Variants in CCL28 observed in about 807,000 individuals in gnomAD.
The protein encoded by CCL28 is C-C motif chemokine 28.
A neutral mutation model predicts 7.1 loss-of-function variants in CCL28; 4 were observed. That is an observed-to-expected ratio of 0.56 (90% CI 0.28 to 1.29). The LOEUF is 1.29. Among genes scored for constraint, CCL28 ranks in the 50% most tolerant of loss-of-function variants. The pLI is 0.11. For missense variants in CCL28, 151 were observed against 163.4 expected (o/e 0.92, Z 0.41); for synonymous variants, 55 against 57.8 (o/e 0.95, Z 0.22).
downstream of CCL28, among the ~76,000 whole-genome samples, chr5:43,375,578 G>C (rs1018840147): frequency 6.7e-6 from 1 of 149,088 alleles, no homozygotes; most frequent in African/African-American, 2.5e-5. Flanking sequence ...GCCCTCCCCA[G>C]CAATGCAGTT....
chr5:43,359,743 A>G, the CCL28 span, among the ~76,000 whole-genome samples: 1 of 152,208 alleles, frequency 6.6e-6, no homozygotes, highest in African/African-American at 2.4e-5. Flanking sequence ...AATTGCTCCT[A>G]TACATAACAT....
chr5:43,405,866 C>A (rs1470601556), intron 1 of CCL28, among the ~76,000 whole-genome samples: 2 of 152,176 alleles, frequency 1.3e-5, no homozygotes, highest in Non-Finnish European at 2.9e-5. Context: ...ATACTATAAA[C>A]ACCTCTATGC....
At chr5:43,410,118 C>T (rs1332665912) in intron 1 of CCL28, among the ~76,000 whole-genome samples, 1 of 152,214 alleles carries the variant, frequency 6.6e-6, no homozygotes, top group Non-Finnish European at 1.5e-5. Flanking sequence ...TGGCACAGGC[C>T]TTTTTCCTAT....
At chr5:43,406,284 A>G (rs928149274) in intron 1 of CCL28, among the ~76,000 whole-genome samples, 31 of 152,118 alleles carry the variant, frequency 2.0e-4, no homozygotes, top group Non-Finnish European at 4.4e-4. Flanking sequence ...CAGTACATCA[A>G]AAAGCTTATC....
intron 2 of CCL28, among the ~76,000 whole-genome samples, chr5:43,386,120 T>C (rs1033708674): frequency 3.3e-5 from 5 of 152,136 alleles, no homozygotes; most frequent in Middle Eastern, 3.2e-3. Context: ...AGTTGAAAAT[T>C]TGGAGTTTCT....
chr5:43,401,348 A>AT (rs1741029318), intron 1 of CCL28, among the ~76,000 whole-genome samples: 1 of 151,940 alleles, frequency 6.6e-6, no homozygotes, highest in South Asian at 2.1e-4. Context: ...GTGGATGGGG[A>AT]TTTTTCTTTG....
downstream of CCL28, chr5:43,377,202 A>AT (rs1325908757): frequency 6.6e-6 from 1 of 152,360 alleles, no homozygotes; most frequent in Non-Finnish European, 1.5e-5. Flanking sequence ...ATAAAGCCTA[A>AT]TACGTAGGCC....
downstream of CCL28, among the ~76,000 whole-genome samples, chr5:43,377,665 G>T (rs547294807): frequency 1.5e-5 from 2 of 134,694 alleles, no homozygotes; most frequent in African/African-American, 2.8e-5. Context: ...GCAAAGAAAT[G>T]ATACTTTAAG....
At chr5:43,400,124 G>A (rs1213144800) in intron 1 of CCL28, among the ~76,000 whole-genome samples, 3 of 151,980 alleles carry the variant, frequency 2.0e-5, no homozygotes, top group Non-Finnish European at 2.9e-5. Flanking sequence ...AGGATTATAG[G>A]CATGAGCCAC....
intron 1 of CCL28, among the ~76,000 whole-genome samples, chr5:43,393,601 C>T (rs2111797204): frequency 6.6e-6 from 1 of 152,244 alleles, no homozygotes; most frequent in East Asian, 1.9e-4. Flanking sequence ...ATGATCCACC[C>T]ACCTCAGCCT....
the CCL28 span, among the ~76,000 whole-genome samples, chr5:43,366,089 A>T: frequency 0.66 from 100,475 of 152,082 alleles, 35,393 homozygotes; most frequent in African/African-American, 0.91. Context: ...GGTCTTAGCT[A>T]CCTTGCATTG....
At chr5:43,368,442 C>T in the CCL28 span, among the ~76,000 whole-genome samples, 8,638 of 152,182 alleles carry the variant, frequency 0.057, 533 homozygotes, top group African/African-American at 0.16. Flanking sequence ...TGTGGCCATG[C>T]GGCTAACTGC....
chr5:43,402,946 G>A (rs193020245), intron 1 of CCL28, among the ~76,000 whole-genome samples: 13 of 152,324 alleles, frequency 8.5e-5, no homozygotes, highest in South Asian at 2.1e-4. Flanking sequence ...ACAGCAAGGC[G>A]GCAGTGAGGC....
intron 1 of CCL28, among the ~76,000 whole-genome samples, chr5:43,410,825 C>T (rs1171618780): frequency 6.6e-6 from 1 of 152,078 alleles, no homozygotes; most frequent in Non-Finnish European, 1.5e-5. Context: ...AAATGAGTCC[C>T]CAAATCTCAA....
At chr5:43,361,989 G>T in the CCL28 span, among the ~76,000 whole-genome samples, 1 of 151,708 alleles carries the variant, frequency 6.6e-6, no homozygotes. Context: ...GCTCTTTTTC[G>T]GTTCCATATG....
chr5:43,406,231 C>T (rs544290718), intron 1 of CCL28, among the ~76,000 whole-genome samples: 147 of 152,136 alleles, frequency 9.7e-4, no homozygotes, highest in African/African-American at 3.4e-3. Flanking sequence ...TGATGAACAT[C>T]GATGCAAAAA....
downstream of CCL28, among the ~76,000 whole-genome samples, chr5:43,373,205 T>C (rs7720681): frequency 0.49 from 74,435 of 152,050 alleles, 18,825 homozygotes; most frequent in Middle Eastern, 0.62. Context: ...TATGACTAGA[T>C]AGTGAAGACA....
chr5:43,381,746 A>G lies in CCL28; in HGVS notation c.*114T>C, dbSNP rs1401100128. The G allele has an allele frequency of 1.0e-5, 9 of 872,300 alleles. No homozygotes were observed. The highest frequency in any genetic ancestry group is 1.8e-5 in the South Asian group (1 of 54,830). 54.0% of individuals were successfully genotyped at this position (872,300 alleles called of 1,614,324 possible). ...ACAATTGTTCATTTTTTAAAAACCAATATTTTGTTTTGTTCTGTTGTCTAC... is the reference window on the plus strand; with the variant it reads ...ACAATTGTTCATTTTTTAAAAACCAGTATTTTGTTTTGTTCTGTTGTCTAC... On this transcript the variant is annotated 3_prime_UTR_variant, in exon 3 of 3. Coordinates refer to ENST00000361115, the MANE Select transcript of CCL28 (RefSeq NM_148672.3).
intron 1 of CCL28, 105 bp downstream of exon 1, chr5:43,412,148 G>A (rs1315709847): frequency 2.7e-6 from 2 of 744,564 alleles, no homozygotes; most frequent in Admixed American, 3.0e-5. Context: ...GGAAATTCCT[G>A]CTTGAAGAGA....
Sources: gnomAD v4.1 joint callset for allele counts (sites outside exome capture counted in the v4.1 genomes callset) on GRCh38, gnomAD v4.1.1 for gene constraint, MANE v1.5 for transcripts, NCBI Gene and HGNC (gene_info 2026-07-23, HGNC 2026-07-21) for gene names.